Variants in ACADVL observed in about 807,000 individuals in gnomAD.
ACADVL encodes the protein very long-chain acyl-CoA dehydrogenase, mitochondrial.
A neutral mutation model predicts 80.4 loss-of-function variants in ACADVL; 73 were observed. The ratio of observed to expected loss-of-function variants is 0.91; its 90% CI spans 0.75 to 1.10. The LOEUF is 1.10. Among genes scored for constraint, ACADVL ranks in the 50% least tolerant of loss-of-function variants. The pLI, the probability that ACADVL is intolerant of heterozygous loss-of-function variation, is 0.00. For missense variants in ACADVL, 878 were observed against 858.9 expected (o/e 1.02, Z -0.28); for synonymous variants, 392 against 326.5 (o/e 1.20, Z -2.16).
chr17:7,219,560 T>A (rs1443770561), upstream of ACADVL: 2 of 1,108,298 alleles, frequency 1.8e-6, no homozygotes, highest in East Asian at 7.2e-5. Flanking sequence ...CTAGAGTCTG[T>A]CTTTCCATGT....
chr17:7,217,439 G>A (rs1237168163), upstream of ACADVL: 5 of 395,610 alleles, frequency 1.3e-5, no homozygotes, highest in Non-Finnish European at 2.1e-5. Flanking sequence ...TGGCAGCCCC[G>A]GAGTTCGGGG....
intron 6 of ACADVL, 51 bp downstream of exon 6, chr17:7,221,109 G>T: frequency 6.2e-7 from 1 of 1,611,192 alleles, no homozygotes; most frequent in South Asian, 1.1e-5. Context: ...CAGCTTGGCA[G>T]ACTCAGCTCT....
At chr17:7,218,697 C>T, upstream of ACADVL, 1 of 1,530,546 alleles carries the variant, frequency 6.5e-7, no homozygotes, top group Non-Finnish European at 8.9e-7. Flanking sequence ...AAGATGAACA[C>T]ACTGTCACTT....
intron 11 of ACADVL, 24 bp downstream of exon 11, chr17:7,223,261 C>T: frequency 6.3e-7 from 1 of 1,585,510 alleles, no homozygotes; most frequent in Middle Eastern, 1.7e-4. Context: ...AAGCCCCTCT[C>T]CCTGGAGCCC....
At chr17:7,222,577 T>C in intron 9 of ACADVL, 90 bp from the exon 10 acceptor site, 1 of 1,372,640 alleles carries the variant, frequency 7.3e-7, no homozygotes, top group Non-Finnish European at 1.0e-6. Context: ...TCGTCATTCC[T>C]CCCTGGTGCA....
At chr17:7,222,554 A>G (rs1367862212) in intron 9 of ACADVL, 113 bp from the exon 10 acceptor site, 1 of 1,238,604 alleles carries the variant, frequency 8.1e-7, no homozygotes, top group African/African-American at 1.5e-5. Context: ...TGTAGCCTCT[A>G]ATAGTCTAGT....
chr17:7,220,682 G>T lies in ACADVL; in HGVS notation c.277+6G>T, dbSNP rs776422793. 9.3e-6 allele frequency: 15 copies of T among 1,614,126 alleles called. No homozygotes were observed. The highest frequency in any genetic ancestry group is 1.3e-5 in the Non-Finnish European group (15 of 1,180,056). On this transcript the variant is annotated splice_donor_region_variant and intron_variant, in intron 4 of 19. Coordinates refer to ENST00000356839, the MANE Select transcript of ACADVL (RefSeq NM_000018.4). ...GGTGTTCCCATACCCGTCCGGTAAG[G>T]GAAGGGATAATCAGAGCTGGGTGGG...
chr17:7,220,347 G>C, intron 2 of ACADVL, 117 bp from the exon 3 acceptor site: 1 of 1,557,056 alleles, frequency 6.4e-7, no homozygotes, highest in Non-Finnish European at 8.8e-7. Context: ...GTGCCCTAGG[G>C]CGAAACTAGG....
chr17:7,217,507 G>C, upstream of ACADVL: 1 of 225,618 alleles, frequency 4.4e-6, no homozygotes, highest in Admixed American at 7.2e-5. Context: ...CCCCGGGGTA[G>C]GGGGGGGTCT....
intron 9 of ACADVL, 142 bp from the exon 10 acceptor site, chr17:7,222,525 C>CCTGAGGGGAAGTGGTGGCTGTAGCCT: frequency 1.7e-6 from 2 of 1,162,622 alleles, no homozygotes; most frequent in Non-Finnish European, 2.5e-6. Flanking sequence ...GCCCTCAGGG[C>CCTGAGGGGAAGTGGTGGCTGTAGCCT]CTGAGGGGAA....
chr17:7,219,917 G>T, upstream of ACADVL: 1 of 1,567,036 alleles, frequency 6.4e-7, no homozygotes, highest in East Asian at 2.3e-5. Context: ...GGGGCGCCAG[G>T]ACGTGGGCGT....
In ACADVL at chr17:7,225,024, G is replaced by T; in HGVS notation, c.1895G>T (p.Arg632Leu). The T allele has an allele frequency of 6.2e-7, 1 of 1,614,066 alleles. No individual in the cohort carries two copies. Among genetic ancestry groups the T allele is most frequent in the Non-Finnish European group, 8.5e-7 (1 of 1,180,018 alleles). Residue 632 changes from arginine (R) to leucine (L), a missense_variant, in exon 20 of 20, where the codon CGC becomes CTC. Transcript: ENST00000356839. ...QSDPWQQELY[R>L]NFKSISKALV... is the part of the protein sequence containing the mutation. Reference sequence around the variant, plus strand: ...GACCCCTGGCAGCAAGAGCTCTACCGCAACTTCAAAAGCATCTCCAAGGCC... The same window carrying T: ...GACCCCTGGCAGCAAGAGCTCTACCTCAACTTCAAAAGCATCTCCAAGGCC...
intron 2 of ACADVL, 98 bp downstream of exon 2, chr17:7,220,295 C>T: frequency 6.7e-7 from 1 of 1,502,940 alleles, no homozygotes; most frequent in Middle Eastern, 1.8e-4. Context: ...AGGTACCTGC[C>T]TACTGCTCAG....
Position 7,224,824 on chromosome 17 carries a change from G to T in ACADVL, c.1767G>T (p.Leu589=). ...VVVLSRASRS[L]SEGHPTAQHE... The stretch of plus-strand genomic sequence containing the variant: ...TTCCTGCCAGGGCCTCAAGATCCCT[G>T]AGTGAGGGCCACCCCACGGCCCAGC... Residue 589 remains leucine (L), a synonymous_variant, in exon 19 of 20, where the codon CTG becomes CTT. Coordinates refer to ENST00000356839, the MANE Select transcript of ACADVL (RefSeq NM_000018.4). The T allele has an allele frequency of 6.2e-7, 1 of 1,613,944 alleles. No individual in the cohort carries two copies. The highest frequency in any genetic ancestry group is 8.5e-7 in the Non-Finnish European group (1 of 1,180,004).
rs772116471 is a variant in ACADVL, at chr17:7,223,970, A to G, written c.1335A>G (p.Glu445=). 8 of 1,613,604 alleles carry G rather than the reference A, an allele frequency of 5.0e-6. No homozygotes were observed. In the South Asian group the frequency reaches 7.7e-5, roughly 16 times the overall value. ...TAATTTGTGTGGCCCTGTGCTAGGAACCTGGAGTAGAGCGTGTGCTCCGAG... is the reference window on the plus strand; with the variant it reads ...TAATTTGTGTGGCCCTGTGCTAGGAGCCTGGAGTAGAGCGTGTGCTCCGAG... ...QIMGGMGFMK[E]PGVERVLRDL... is the part of the protein sequence containing the mutation. The change falls in exon 14 of 20, where the codon GAA becomes GAG. Residue 445 remains glutamate (E), a splice_region_variant and synonymous_variant. Transcript: ENST00000356839.
In ACADVL at chr17:7,221,065, G is replaced by T. The variant is rs1279805508; in HGVS notation, c.477+7G>T. On this transcript the variant is annotated splice_region_variant and intron_variant, in intron 6 of 19. Transcript: ENST00000356839. ...GGGCCTTTGCAACACCCAGGTGAGG[G>T]CGCCCTATCGCCACATCCCAGTATG... 1 of 1,613,094 alleles carries T rather than the reference G, an allele frequency of 6.2e-7. No individual in the cohort carries two copies. The highest frequency in any genetic ancestry group is 1.1e-5 in the South Asian group (1 of 91,046).
At chr17:7,219,593 A>C, upstream of ACADVL, 1 of 1,156,942 alleles carries the variant, frequency 8.6e-7, no homozygotes, top group Non-Finnish European at 1.1e-6. Flanking sequence ...CATCTACCTT[A>C]CACTTCTCTT....
chr17:7,221,662 AC>A lies in ACADVL; in HGVS notation c.604del (p.Leu202SerfsTer15), dbSNP rs757409401. On this transcript the variant is annotated frameshift_variant, in exon 7 of 20. Coordinates refer to ENST00000356839, the MANE Select transcript of ACADVL (RefSeq NM_000018.4). LOFTEE classifies it high-confidence loss of function. ...GGCACAAAGGCCCAGAAAGAAAAAT[AC>A]CTCCCCAAGCTGGCATCTGGTGAGG... ...LFGTKAQKEK[Y>X]LPKLASGETV... The A allele has an allele frequency of 1.2e-6, 2 of 1,613,488 alleles. No homozygotes were observed. The highest frequency in any genetic ancestry group is 1.7e-6 in the Non-Finnish European group (2 of 1,179,982).
At chr17:7,221,258 G>A in intron 6 of ACADVL, 200 bp downstream of exon 6, 1 of 1,022,044 alleles carries the variant, frequency 9.8e-7, no homozygotes, top group Non-Finnish European at 1.4e-6. Context: ...CCTCACCCTG[G>A]TTCCCAAGTC....
Sources: allele counts gnomAD v4.1 joint callset, GRCh38; gene constraint gnomAD v4.1.1; transcripts MANE v1.5; gene names NCBI Gene and HGNC (gene_info 2026-07-23, HGNC 2026-07-21).